The following ITPA variants were observed in gnomAD, a reference collection of about 807,000 sequenced individuals.
ITPA encodes the protein inosine triphosphatase.
ITPA carries 29 observed loss-of-function variants against 29.6 expected under a neutral mutation model. The ratio of observed to expected loss-of-function variants is 0.98; its 90% confidence interval spans 0.73 to 1.34. The LOEUF is 1.34. ITPA is among the 40% of genes most tolerant of loss of function. The pLI is 0.00. For synonymous variants in ITPA, 103 were observed against 99.3 expected, an observed-to-expected ratio of 1.04 and a Z score of -0.22; for missense variants, 241 against 251.5, an observed-to-expected ratio of 0.96 and a Z score of 0.28.
chr20:3,213,944 G>GAT, intron 3 of ITPA, 41 bp from the exon 4 acceptor site: 2 of 1,606,078 alleles, frequency 1.2e-6, no homozygotes, highest in South Asian at 2.2e-5. Context: ...AGGTGGGGAT[G>GAT]GTGATCATGG....
At chr20:3,213,127 A>G in intron 1 of ITPA, 42 bp from the exon 2 acceptor site, 1 of 1,581,318 alleles carries the variant, frequency 6.3e-7, no homozygotes, top group Non-Finnish European at 8.7e-7. Context: ...CACATGGAGA[A>G]TCACTAGATG....
At chr20:3,218,119 C>T (rs1266073092) in intron 5 of ITPA, among the ~76,000 whole-genome samples, 1 of 151,624 alleles carries the variant, frequency 6.6e-6, no homozygotes, top group East Asian at 2.0e-4. Flanking sequence ...GGGGTTTCAC[C>T]GTGTTAGCCA....
At chr20:3,208,541 A>G (rs1338494758), upstream of ITPA, among the ~76,000 whole-genome samples, 2 of 151,982 alleles carry the variant, frequency 1.3e-5, no homozygotes, top group Non-Finnish European at 2.9e-5. Context: ...ATGCCCAGCT[A>G]ATTTTGTACT....
chr20:3,222,171 T>C (rs2067481982), intron 7 of ITPA, among the ~76,000 whole-genome samples: 1 of 151,496 alleles, frequency 6.6e-6, no homozygotes, highest in African/African-American at 2.4e-5. Flanking sequence ...ATCAGCTGTG[T>C]AGCCAGTGGT....
At chr20:3,222,277 C>T (rs1220388119) in intron 7 of ITPA, among the ~76,000 whole-genome samples, 1 of 149,428 alleles carries the variant, frequency 6.7e-6, no homozygotes, top group Non-Finnish European at 1.5e-5. Flanking sequence ...GGCTGGAGTG[C>T]AACGGCGTGA....
intron 2 of ITPA, 22 bp downstream of exon 2, chr20:3,213,248 T>G (rs965761182): frequency 6.2e-7 from 1 of 1,614,204 alleles, no homozygotes; most frequent in Non-Finnish European, 8.5e-7. Flanking sequence ...TTTTGTTTTA[T>G]TTTTAAAAGA....
At chr20:3,206,639 G>C (rs1322959436), upstream of ITPA, among the ~76,000 whole-genome samples, 1 of 151,292 alleles carries the variant, frequency 6.6e-6, no homozygotes, top group African/African-American at 2.4e-5. Flanking sequence ...AACCATCCTG[G>C]CTAACACGGT....
At chr20:3,204,865 T>G (rs930173042), upstream of ITPA, among the ~76,000 whole-genome samples, 2 of 152,104 alleles carry the variant, frequency 1.3e-5, no homozygotes. Flanking sequence ...TGTATGTTTT[T>G]TTTTTTTGAG....
intron 6 of ITPA, 76 bp from the exon 7 acceptor site, chr20:3,221,765 C>G: frequency 1.5e-6 from 2 of 1,374,456 alleles, no homozygotes; most frequent in Non-Finnish European, 1.0e-6. Flanking sequence ...ACTCACCAAA[C>G]TCATACTGGC....
chr20:3,211,992 C>A (rs2067186694), intron 1 of ITPA, among the ~76,000 whole-genome samples: 1 of 152,032 alleles, frequency 6.6e-6, no homozygotes, highest in South Asian at 2.1e-4. Context: ...TCAAGACCAG[C>A]CTGGGCAACA....
At chr20:3,204,469 C>T, upstream of ITPA, 1 of 1,462,828 alleles carries the variant, frequency 6.8e-7, no homozygotes. Context: ...CGCGGCGCGA[C>T]GGTCCACAAA....
chr20:3,209,539 A>T lies in ITPA; in HGVS notation c.-13A>T. ...GAGTTTTCGGTGGCTCAGCTGGGTA[A>T]CCGGGGATCACCATGGCGGCCTCAT... On this transcript the variant is annotated 5_prime_UTR_variant, in exon 1 of 8. Coordinates refer to ENST00000380113, the MANE Select transcript of ITPA (RefSeq NM_033453.4). This position sits in a 1 kb window ranked among gnomAD's most constrained non-coding sequence, Gnocchi z 4.6. The T allele has an allele frequency of 6.2e-7, 1 of 1,613,748 alleles. No homozygotes were observed. The highest frequency in any genetic ancestry group is 1.1e-5 in the South Asian group (1 of 91,064).
chr20:3,205,928 T>C (rs1055052067), upstream of ITPA, among the ~76,000 whole-genome samples: 22 of 151,678 alleles, frequency 1.5e-4, no homozygotes, highest in African/African-American at 5.1e-4. Flanking sequence ...TGGTGGCACA[T>C]GCCTGTAATC....
At chr20:3,220,792 A>G (rs2067443774) in intron 6 of ITPA, among the ~76,000 whole-genome samples, 1 of 151,316 alleles carries the variant, frequency 6.6e-6, no homozygotes, top group African/African-American at 2.4e-5. Flanking sequence ...CTGGGTTTAA[A>G]CCATCCTCCC....
chr20:3,207,669 G>C (rs991975535), upstream of ITPA, among the ~76,000 whole-genome samples: 17 of 138,972 alleles, frequency 1.2e-4, no homozygotes, highest in African/African-American at 3.5e-4. Flanking sequence ...ACTCAAGCCT[G>C]GGCGACAAGA....
At chr20:3,224,741 G>A (rs565195273), downstream of ITPA, among the ~76,000 whole-genome samples, 1 of 152,350 alleles carries the variant, frequency 6.6e-6, no homozygotes, top group Non-Finnish European at 1.5e-5. Context: ...CCAGGCTACT[G>A]ATGGGGGACT....
rs2067404768 is a variant in ITPA, at chr20:3,219,502, T to C, written c.411+870T>C. 2.0e-5 allele frequency among the ~76,000 whole-genome samples: 3 copies of C among 151,972 alleles called. No individual in the cohort carries two copies. The South Asian group carries it at 6.2e-4, about 32-fold the overall frequency. On this transcript the variant is annotated intron_variant, in intron 6 of 7. Transcript: ENST00000380113. ...GCTCACATCTGTAATCCCAGCACTT[T>C]GGGAGGCTGAGGCGGGCGGATCACC...
At position 3,215,420 on chromosome 20, in the gene ITPA, A is replaced by G. The variant is rs568608118; in HGVS notation, c.295+108A>G. On this transcript the variant is annotated intron_variant, in intron 5 of 7. Coordinates refer to ENST00000380113, the MANE Select transcript of ITPA (RefSeq NM_033453.4). Reference sequence around the variant, plus strand: ...TCAGGAGTCCCAGGTTCTAGCCCCCACCATGGAGCCTCCACCTCATTTTCC... The same window carrying G: ...TCAGGAGTCCCAGGTTCTAGCCCCCGCCATGGAGCCTCCACCTCATTTTCC... 113 of 971,132 alleles carry G rather than the reference A, an allele frequency of 1.2e-4. 1 individual carries two copies. In the Admixed American group the frequency reaches 2.0e-3, roughly 18 times the overall value. The allele number at this position is 971,132 out of a possible 1,614,324, so 60.2% of individuals were successfully genotyped here.
At chr20:3,208,257 C>T (rs969235026), upstream of ITPA, among the ~76,000 whole-genome samples, 8 of 152,006 alleles carry the variant, frequency 5.3e-5, no homozygotes, top group African/African-American at 1.9e-4. Context: ...ACTGATGTCC[C>T]CCAAGCCCTC....
Sources: allele counts gnomAD v4.1 joint callset (sites outside exome capture counted in the v4.1 genomes callset), GRCh38; gene constraint gnomAD v4.1.1; non-coding constraint Gnocchi (gnomAD v3.1); transcripts MANE v1.5; gene names NCBI Gene and HGNC (gene_info 2026-07-23, HGNC 2026-07-21).